The following STAT4 variants were observed in gnomAD, a reference collection of about 807,000 sequenced individuals.
STAT4 encodes the protein signal transducer and activator of transcription 4.
Under a neutral mutation model 110.5 loss-of-function variants are expected in STAT4, and 42 were observed. The ratio of observed to expected loss-of-function variants is 0.38; its 90% CI spans 0.30 to 0.49. STAT4 has a LOEUF of 0.49. Among genes scored for constraint, STAT4 ranks in the 20% least tolerant of loss-of-function variants. STAT4 has a pLI of 0.95. For missense variants in STAT4, 632 were observed against 887.9 expected, an observed-to-expected ratio of 0.71 and a Z score of 3.66; for synonymous variants, 284 against 302.2, an observed-to-expected ratio of 0.94 and a Z score of 0.63.
intron 3 of STAT4, among the ~76,000 whole-genome samples, chr2:191,128,604 G>C (rs977131537): frequency 6.6e-6 from 1 of 152,134 alleles, no homozygotes; most frequent in African/African-American, 2.4e-5. Flanking sequence ...GGTACTTTCA[G>C]CTCTAACATA....
intron 8 of STAT4, among the ~76,000 whole-genome samples, chr2:191,063,638 AACT>A (rs1323673706): frequency 0.014 from 2,135 of 152,338 alleles, 53 homozygotes; most frequent in African/African-American, 0.049. Context: ...GCCATACAGT[AACT>A]CTTTCTACTT....
At chr2:191,057,995 T>C (rs765371225) in intron 13 of STAT4, 23 bp downstream of exon 13, 170 of 1,598,144 alleles carry the variant, frequency 1.1e-4, no homozygotes, top group Admixed American at 8.4e-5. Context: ...AAAAAGCCTG[T>C]TTAACTTTAC....
In STAT4 at chr2:191,100,283, A is replaced by G. The variant is rs564569519; in HGVS notation, c.274-23958T>C. 2.0e-5 allele frequency among the ~76,000 whole-genome samples: 3 copies of G among 152,290 alleles called. No individual in the cohort carries two copies. In the East Asian group the frequency reaches 5.8e-4, roughly 29 times the overall value. On this transcript the variant is annotated intron_variant, in intron 3 of 23. Coordinates refer to ENST00000392320, the MANE Select transcript of STAT4 (RefSeq NM_003151.4). ...GTGGCGGAAGTATTAATACCGTCCA[A>G]CTACTGAGAGAAATGGAAACTGAAG...
intron 3 of STAT4, among the ~76,000 whole-genome samples, chr2:191,114,907 C>T (rs1189917110): frequency 6.6e-6 from 1 of 152,142 alleles, no homozygotes; most frequent in Non-Finnish European, 1.5e-5. Context: ...ATTTCACAGA[C>T]TTTTATGTGT....
At chr2:191,132,029 A>T in intron 3 of STAT4, 1 of 1,126,354 alleles carries the variant, frequency 8.9e-7, no homozygotes, top group Non-Finnish European at 1.1e-6. Context: ...TACAATTGGA[A>T]CATAACTGAA....
intron 3 of STAT4, among the ~76,000 whole-genome samples, chr2:191,096,930 T>C (rs1230351389): frequency 6.6e-6 from 1 of 152,186 alleles, no homozygotes; most frequent in Non-Finnish European, 1.5e-5. Flanking sequence ...AGTCTCAGGA[T>C]ACAAAATCAA....
In STAT4 at chr2:191,146,758, CT is replaced by C; in HGVS notation, c.129-2del. ...GGTTTCATTGTTAGAAGCTGCCTCC[CT>C]AAAAAAAAAAAGGATTATTACACAA... On this transcript the variant is annotated splice_acceptor_variant, in intron 2 of 23. Coordinates refer to ENST00000392320, the MANE Select transcript of STAT4 (RefSeq NM_003151.4). LOFTEE classifies it high-confidence loss of function. The surrounding 1 kb of genome is among the most constrained non-coding windows in gnomAD (Gnocchi z 4.5). 1.3e-6 allele frequency: 2 copies of C among 1,526,678 alleles called. No individual in the cohort carries two copies. The highest frequency in any genetic ancestry group is 1.8e-6 in the Non-Finnish European group (2 of 1,141,284). 94.6% of individuals were successfully genotyped at this position (1,526,678 alleles called of 1,614,324 possible).
rs1320419007 is a variant in STAT4, at chr2:191,113,478, A to G, written c.273+33135T>C. The stretch of plus-strand genomic sequence containing the variant: ...AAAGTGCTGAATTTGACAGAATGAA[A>G]CAGCATTGGATATAAATATGCTCAG... On this transcript the variant is annotated intron_variant, in intron 3 of 23. Coordinates refer to ENST00000392320, the MANE Select transcript of STAT4 (RefSeq NM_003151.4). This position sits in a 1 kb window ranked among gnomAD's most constrained non-coding sequence, Gnocchi z 4.8. Among the ~76,000 whole-genome samples, 2 of 152,212 alleles carry G rather than the reference A, an allele frequency of 1.3e-5. No homozygotes were observed. Among genetic ancestry groups the G allele is most frequent in the Admixed American group, 6.5e-5 (1 of 15,276 alleles).
chr2:191,107,148 G>A lies in STAT4; in HGVS notation c.274-30823C>T, dbSNP rs899195268. On this transcript the variant is annotated intron_variant, in intron 3 of 23. Coordinates refer to ENST00000392320, the MANE Select transcript of STAT4 (RefSeq NM_003151.4). This position sits in a 1 kb window ranked among gnomAD's most constrained non-coding sequence, Gnocchi z 4.2. The stretch of plus-strand genomic sequence containing the variant: ...CAGTGTCCAGTGAGATTAGTAAGAT[G>A]AAAAATGGTTAAAAGCTTCAGGGTT... Among the ~76,000 whole-genome samples, 5 of 152,164 alleles carry A rather than the reference G, an allele frequency of 3.3e-5. No individual in the cohort carries two copies. Among genetic ancestry groups the A allele is most frequent in the African/African-American group, 1.2e-4 (5 of 41,444 alleles).
In STAT4 at chr2:191,041,084, C is replaced by T; in HGVS notation, c.1316G>A (p.Gly439Asp). 1 of 1,488,606 alleles carries T rather than the reference C, an allele frequency of 6.7e-7. No individual in the cohort carries two copies. The highest frequency in any genetic ancestry group is 9.0e-7 in the Non-Finnish European group (1 of 1,114,400). 92.2% of individuals were successfully genotyped at this position (1,488,606 alleles called of 1,614,324 possible). ...ITFETQICLY[G>D]LTIDLETSSL... is the part of the protein sequence containing the mutation. The stretch of plus-strand genomic sequence containing the variant: ...ACCTACCTCCAAATCTATGGTCAGG[C>T]CATAGAGGCAGATCTGTGTTTCAAA... The change falls in exon 15 of 24, where the codon GGC becomes GAC. Residue 439 changes from glycine to aspartate, a missense_variant. By Grantham distance (94) the Gly-to-Asp change is moderately conservative. This residue lies in a region of STAT4 where 488 missense variants were observed against 632.8 expected (regional missense o/e 0.77). Transcript: ENST00000392320.
Position 191,066,479 on chromosome 2 carries a change from T to G in STAT4, c.581A>C (p.Glu194Ala). 6.2e-7 allele frequency: 1 copy of G among 1,613,550 alleles called. No homozygotes were observed. Among genetic ancestry groups the G allele is most frequent in the Non-Finnish European group, 8.5e-7 (1 of 1,179,690 alleles). ...SDKNSAMVNQ[E>A]VLTLQEMLNS... The stretch of plus-strand genomic sequence containing the variant: ...AAGCATTTCCTGCAGTGTCAAAACT[T>G]CCTGATTCACCATGGCACTATTCTT... Residue 194 changes from glutamate to alanine, a missense_variant, in exon 7 of 24, where the codon GAA (glutamate) becomes GCA (alanine). Around this residue, in one of 4 missense-constraint regions of STAT4, gnomAD observed 488 missense variants for 632.8 expected, o/e 0.77. Transcript: ENST00000392320. This position sits in a 1 kb window ranked among gnomAD's most constrained non-coding sequence, Gnocchi z 4.3.
Position 191,107,920 on chromosome 2 carries a change from C to T in STAT4, c.274-31595G>A, listed in dbSNP as rs577542545. 1.2e-4 allele frequency among the ~76,000 whole-genome samples: 19 copies of T among 152,098 alleles called. 2 individuals are homozygous for T. Among genetic ancestry groups the T allele is most frequent in the Non-Finnish European group, 2.8e-4 (19 of 68,020 alleles). Reference sequence around the variant, plus strand: ...TTCTTTCATTGATGCCCATATTTTACAAAATGGAGTAATTTTCATGATCTC... The same window carrying T: ...TTCTTTCATTGATGCCCATATTTTATAAAATGGAGTAATTTTCATGATCTC... On this transcript the variant is annotated intron_variant, in intron 3 of 23. Coordinates refer to ENST00000392320, the MANE Select transcript of STAT4 (RefSeq NM_003151.4). The surrounding 1 kb of genome is among the most constrained non-coding windows in gnomAD (Gnocchi z 4.2).
chr2:191,138,914 T>C lies in STAT4; in HGVS notation c.273+7699A>G, dbSNP rs138360739. ...AAAAAGATAATACATCATGATCAAA[T>C]GGGTTTATATTAGGAATACAGGGAT... On this transcript the variant is annotated intron_variant, in intron 3 of 23. Coordinates refer to ENST00000392320, the MANE Select transcript of STAT4 (RefSeq NM_003151.4). This position sits in a 1 kb window ranked among gnomAD's most constrained non-coding sequence, Gnocchi z 4.3. Among the ~76,000 whole-genome samples, 60 of 152,250 alleles carry C rather than the reference T, an allele frequency of 3.9e-4. No individual in the cohort carries two copies. Among genetic ancestry groups the C allele is most frequent in the Non-Finnish European group, 7.4e-4 (50 of 68,010 alleles).
intron 6 of STAT4, among the ~76,000 whole-genome samples, chr2:191,067,481 C>T (rs1480808731): frequency 6.6e-6 from 1 of 152,124 alleles, no homozygotes; most frequent in East Asian, 1.9e-4. Context: ...ACCTAGAGCC[C>T]AAACTTCGTC....
At chr2:191,128,655 C>T (rs943665305) in intron 3 of STAT4, among the ~76,000 whole-genome samples, 4 of 152,088 alleles carry the variant, frequency 2.6e-5, no homozygotes, top group Admixed American at 6.5e-5. Context: ...AAGAAATAGG[C>T]CATGGTGGTT....
rs1278296297 is a variant in STAT4, at chr2:191,060,601, T to C, written c.1034+1128A>G. Among the ~76,000 whole-genome samples the C allele has an allele frequency of 6.6e-6, 1 of 152,108 alleles. No individual in the cohort carries two copies. The highest frequency in any genetic ancestry group is 1.5e-5 in the Non-Finnish European group (1 of 68,018). ...GCTCAGCTAATTTTTCTATTTTTAG[T>C]AGAGATGGGGTATTGCCATGTTGTC... On this transcript the variant is annotated intron_variant, in intron 10 of 23. Transcript: ENST00000392320. The surrounding 1 kb of genome is among the most constrained non-coding windows in gnomAD (Gnocchi z 4.5).
chr2:191,122,732 C>A (rs1326703526), intron 3 of STAT4, among the ~76,000 whole-genome samples: 1 of 152,134 alleles, frequency 6.6e-6, no homozygotes, highest in Non-Finnish European at 1.5e-5. Context: ...AATCTCATAA[C>A]ACAGAGTGAA....
intron 3 of STAT4, among the ~76,000 whole-genome samples, chr2:191,139,916 A>C (rs183363134): frequency 1.8e-4 from 27 of 152,334 alleles, no homozygotes; most frequent in South Asian, 4.1e-4. Context: ...AGGTAGACAA[A>C]TGGAACAGAA....
chr2:191,043,716 C>A lies in STAT4; in HGVS notation c.1252-2568G>T, dbSNP rs1257981225. ...GATTCATCAATAGGAGAATAGCTAG[C>A]TATACTGTGTATATTTATAGAGCAA... On this transcript the variant is annotated intron_variant, in intron 14 of 23. Coordinates refer to ENST00000392320, the MANE Select transcript of STAT4 (RefSeq NM_003151.4). The surrounding 1 kb of genome is among the most constrained non-coding windows in gnomAD (Gnocchi z 4.8). Among the ~76,000 whole-genome samples the A allele has an allele frequency of 6.6e-6, 1 of 151,866 alleles. No individual in the cohort carries two copies. Among genetic ancestry groups the A allele is most frequent in the Non-Finnish European group, 1.5e-5 (1 of 67,990 alleles).
Sources: allele counts gnomAD v4.1 joint callset (sites outside exome capture counted in the v4.1 genomes callset), GRCh38; gene constraint gnomAD v4.1.1; regional missense constraint gnomAD v4.1.1; non-coding constraint Gnocchi (gnomAD v3.1); transcripts MANE v1.5; gene names NCBI Gene and HGNC (gene_info 2026-07-23, HGNC 2026-07-21).